COPG2: variants seen among roughly 807,000 people sequenced by gnomAD.
The protein encoded by COPG2 is coatomer subunit gamma-2.
COPG2 carries 37 observed loss-of-function variants against 46.3 expected under a neutral mutation model. The ratio of observed to expected loss-of-function variants is 0.80; its 90% confidence interval spans 0.61 to 1.05. COPG2 has a LOEUF of 1.05. COPG2 is among the 50% of genes least tolerant of loss of function. The probability of loss-of-function intolerance (pLI) is 0.00; values close to 1 mark genes in which losing one functional copy is unlikely to be tolerated. For missense variants in COPG2, 427 were observed against 387.8 expected (o/e 1.10, Z -0.85); for synonymous variants, 159 against 129.7 (o/e 1.23, Z -1.53).
chr7:130,659,354 C>CAAAAAAAAAAA lies in COPG2; in HGVS notation c.243+3602_243+3612dup, dbSNP rs59413856. ...TGGGCGACAGAGCAAGACTCCGTCT[C>CAAAAAAAAAAA]AAAAAAAAAAAAAACGAACAAACAA... On this transcript the variant is annotated intron_variant, in intron 4 of 23. Transcript: ENST00000425248. Among the ~76,000 whole-genome samples the CAAAAAAAAAAA allele has an allele frequency of 2.9e-4, 19 of 65,470 alleles. 5 individuals carry two copies. Among genetic ancestry groups the CAAAAAAAAAAA allele is most frequent in the Non-Finnish European group, 3.4e-4 (12 of 35,716 alleles). 43.0% of individuals were successfully genotyped at this position (65,470 alleles called of 152,430 possible).
chr7:130,546,753 C>T (rs1229374027), intron 20 of COPG2: 1 of 152,072 alleles, frequency 6.6e-6, no homozygotes, highest in African/African-American at 2.4e-5. Context: ...AGGTTAAGCC[C>T]CAAATGTAAC....
At chr7:130,589,524 A>G (rs1289575840) in intron 9 of COPG2, among the ~76,000 whole-genome samples, 1 of 152,102 alleles carries the variant, frequency 6.6e-6, no homozygotes, top group Non-Finnish European at 1.5e-5. Context: ...GCCTCATGCA[A>G]TCCTTCCACT....
chr7:130,664,164 C>A (rs1796030906), intron 3 of COPG2, among the ~76,000 whole-genome samples: 1 of 152,122 alleles, frequency 6.6e-6, no homozygotes, highest in Non-Finnish European at 1.5e-5. Flanking sequence ...CAAATATTAC[C>A]ATTTCAATAT....
At chr7:130,550,812 C>G (rs979110810) in intron 16 of COPG2, among the ~76,000 whole-genome samples, 163 bp from the exon 17 acceptor site, 24 of 152,126 alleles carry the variant, frequency 1.6e-4, no homozygotes, top group Admixed American at 6.5e-4. Flanking sequence ...CTTGAAATTA[C>G]CTTATAAACT....
At chr7:130,588,309 G>C (rs1554448384) in intron 9 of COPG2, among the ~76,000 whole-genome samples, 1 of 151,740 alleles carries the variant, frequency 6.6e-6, no homozygotes, top group African/African-American at 2.4e-5. Context: ...TATATCCAAA[G>C]GACTACAAAT....
In COPG2 at chr7:130,612,155, G is replaced by A; in HGVS notation, c.576C>T (p.Val192=). The change falls in exon 8 of 24, where the codon GTC becomes GTT. Residue 192 remains valine, a synonymous_variant. Transcript: ENST00000425248. ...TAATGTGATTCAATGACAATACCTG[G>A]ACCATAATATTATCACTTGATGCAG... is the stretch of plus-strand genomic sequence containing the variant. ...QEAASSDNIM[V]QYHALGVLYH... 6.2e-7 allele frequency: 1 copy of A among 1,603,382 alleles called. No homozygotes were observed. Among genetic ancestry groups the A allele is most frequent in the South Asian group, 1.1e-5 (1 of 90,592 alleles).
chr7:130,580,038 A>G (rs1488503982), intron 9 of COPG2, among the ~76,000 whole-genome samples: 23 of 150,702 alleles, frequency 1.5e-4, no homozygotes, highest in African/African-American at 5.3e-4. Context: ...TCAACAGAAT[A>G]TACATTTTTT....
At chr7:130,621,237 T>C (rs1487532956) in intron 5 of COPG2, among the ~76,000 whole-genome samples, 1 of 152,224 alleles carries the variant, frequency 6.6e-6, no homozygotes, top group East Asian at 1.9e-4. Flanking sequence ...CCTATACTTC[T>C]GACATCAAAC....
intron 4 of COPG2, among the ~76,000 whole-genome samples, chr7:130,661,721 T>C (rs1297455112): frequency 6.6e-6 from 1 of 152,188 alleles, no homozygotes; most frequent in African/African-American, 2.4e-5. Context: ...GTGGATGCCA[T>C]AGAAGATTTT....
intron 9 of COPG2, 33 bp downstream of exon 9, chr7:130,610,920 G>A (rs1554451958): frequency 2.5e-6 from 4 of 1,611,634 alleles, no homozygotes; most frequent in Admixed American, 3.3e-5. Context: ...TTCGCAAATG[G>A]AAAATAACCC....
chr7:130,568,365 A>C (rs1015063207), intron 9 of COPG2, among the ~76,000 whole-genome samples: 3 of 152,232 alleles, frequency 2.0e-5, no homozygotes, highest in African/African-American at 7.2e-5. Flanking sequence ...AAAGGGGCGG[A>C]AAAAGGTATT....
intron 9 of COPG2, among the ~76,000 whole-genome samples, chr7:130,589,262 C>T (rs1563051800): frequency 6.6e-6 from 1 of 151,882 alleles, no homozygotes; most frequent in Non-Finnish European, 1.5e-5. Context: ...TGCTGGATTC[C>T]AAACACTGTA....
In COPG2 at chr7:130,530,442, C is replaced by T. The variant is rs912182560; in HGVS notation, c.2149+17232G>A. Among the ~76,000 whole-genome samples, 73 of 152,198 alleles carry T rather than the reference C, an allele frequency of 4.8e-4. No individual in the cohort carries two copies. The East Asian group carries it at 0.01, about 21-fold the overall frequency. On this transcript the variant is annotated intron_variant, in intron 20 of 23. Coordinates refer to ENST00000425248, the MANE Select transcript of COPG2 (RefSeq NM_012133.6). ...AAGGAAAAGGCAGCCTAAGGGAAGG[C>T]GCTAGCCTGAATCAGTGGAAGATCT... is the stretch of plus-strand genomic sequence containing the variant.
chr7:130,607,836 T>C lies in COPG2; in HGVS notation c.737+3117A>G, dbSNP rs374218450. 35 of 518,014 alleles carry C rather than the reference T, an allele frequency of 6.8e-5. No individual in the cohort carries two copies. In the Middle Eastern group the frequency reaches 2.5e-3, roughly 38 times the overall value. 32.1% of individuals were successfully genotyped at this position (518,014 alleles called of 1,614,324 possible). On this transcript the variant is annotated intron_variant, in intron 9 of 23. Transcript: ENST00000425248. ...GAATTACAGAATGCCCTCAGGAGAA[T>C]AGCAAAAAAACCCCACAAATTTCAC...
intron 9 of COPG2, among the ~76,000 whole-genome samples, chr7:130,591,495 G>C: frequency 1.1e-5 from 1 of 94,318 alleles, no homozygotes; most frequent in Non-Finnish European, 2.2e-5. Flanking sequence ...CCCCCCGCCC[G>C]GCCAGCCGCC....
intron 9 of COPG2, among the ~76,000 whole-genome samples, chr7:130,565,116 G>A (rs1439255849): frequency 6.6e-6 from 1 of 152,140 alleles, no homozygotes; most frequent in Non-Finnish European, 1.5e-5. Context: ...GCATGTGCAG[G>A]GCTAAGCAAA....
At chr7:130,577,338 C>T (rs1554446378) in intron 9 of COPG2, among the ~76,000 whole-genome samples, 1 of 152,206 alleles carries the variant, frequency 6.6e-6, no homozygotes, top group Non-Finnish European at 1.5e-5. Flanking sequence ...CGAACCAGGG[C>T]GAGGCATTGC....
Position 130,667,513 on chromosome 7 carries a change from T to A in COPG2, c.59A>T (p.Gln20Leu), listed in dbSNP as rs1347883140. The change falls in exon 2 of 24, where the codon CAG becomes CTG. Residue 20 changes from glutamine (Q) to leucine (L), a missense_variant. Transcript: ENST00000425248. Reference sequence around the variant, plus strand: ...TAAAACAGCACTCTTCTCCAGATGCTGGAAAGGATTGGAGCCACTACCTAT... The same window carrying A: ...TAAAACAGCACTCTTCTCCAGATGCAGGAAAGGATTGGAGCCACTACCTAT... ...EESGSGSNPF[Q>L]HLEKSAVLQE... The A allele has an allele frequency of 6.2e-7, 1 of 1,613,498 alleles. No homozygotes were observed. The highest frequency in any genetic ancestry group is 8.5e-7 in the Non-Finnish European group (1 of 1,179,672).
intron 12 of COPG2, among the ~76,000 whole-genome samples, chr7:130,558,137 T>A (rs1793661454): frequency 2.0e-5 from 3 of 151,364 alleles, no homozygotes; most frequent in Non-Finnish European, 4.4e-5. Context: ...ATTAAAATAA[T>A]TTTTTTTTAG....
Sources: allele counts gnomAD v4.1 joint callset (sites outside exome capture counted in the v4.1 genomes callset), GRCh38; gene constraint gnomAD v4.1.1; transcripts MANE v1.5; gene names NCBI Gene and HGNC (gene_info 2026-07-23, HGNC 2026-07-21).